The following FBN3 variants were observed in gnomAD, a reference collection of about 807,000 sequenced individuals.
FBN3 encodes fibrillin-3.
FBN3 carries 234 observed loss-of-function variants against 330.1 expected under a neutral mutation model. That is an observed-to-expected ratio of 0.71 (90% CI 0.64 to 0.79). FBN3 has a LOEUF of 0.79. Ranked by LOEUF, FBN3 falls within the 30% of genes least tolerant of loss-of-function variation. The probability of loss-of-function intolerance (pLI) is 0.00; values close to 1 mark genes in which losing one functional copy is unlikely to be tolerated. For synonymous variants in FBN3, 1,458 were observed against 1,517.3 expected (o/e 0.96, Z 0.91); for missense variants, 3,606 against 3,886.9 (o/e 0.93, Z 1.92).
chr19:8,098,120 G>C (rs915799560), intron 41 of FBN3, among the ~76,000 whole-genome samples: 3 of 152,218 alleles, frequency 2.0e-5, no homozygotes, highest in African/African-American at 7.2e-5. Flanking sequence ...ACTTTAAATG[G>C]GTGAAGTGTG....
intron 18 of FBN3, among the ~76,000 whole-genome samples, chr19:8,127,949 C>A (rs952621178): frequency 1.3e-5 from 2 of 151,948 alleles, no homozygotes; most frequent in Non-Finnish European, 2.9e-5. Flanking sequence ...TGCAGTGAGC[C>A]GAGATCGCCC....
intron 48 of FBN3, among the ~76,000 whole-genome samples, chr19:8,090,530 C>T (rs2082074552): frequency 6.8e-6 from 1 of 148,066 alleles, no homozygotes; most frequent in Admixed American, 6.8e-5. Flanking sequence ...GTTGACCAGG[C>T]TGGAGTGCAG....
chr19:8,123,744 C>T, intron 23 of FBN3, 40 bp downstream of exon 23: 1 of 1,603,476 alleles, frequency 6.2e-7, no homozygotes. Context: ...CCGTGCCCCT[C>T]CCCATCCTTC....
chr19:8,096,359 G>A lies in FBN3; in HGVS notation c.5539+85C>T. The A allele has an allele frequency of 6.7e-7, 1 of 1,494,008 alleles. No homozygotes were observed. Among genetic ancestry groups the A allele is most frequent in the East Asian group, 2.3e-5 (1 of 42,644 alleles). The allele number at this position is 1,494,008 out of a possible 1,614,324, so 92.5% of individuals were successfully genotyped here. ...CTTGGATCTCTTTGTGAACTAGGAT[G>A]GACAGAAACACCACTTCCATCCCAG... On this transcript the variant is annotated intron_variant, in intron 44 of 63. Transcript: ENST00000600128. The surrounding 1 kb of genome is among the most constrained non-coding windows in gnomAD (Gnocchi z 4.6).
chr19:8,073,486 T>C (rs2081570718), intron 61 of FBN3, among the ~76,000 whole-genome samples, 189 bp from the exon 62 acceptor site: 1 of 152,154 alleles, frequency 6.6e-6, no homozygotes, highest in Non-Finnish European at 1.5e-5. Context: ...AACCCTGTGG[T>C]TCTCCTTCAC....
At position 8,129,071 on chromosome 19, in the gene FBN3, GC is replaced by G; in HGVS notation, c.2252del (p.Cys751SerfsTer26). The G allele has an allele frequency of 6.2e-7, 1 of 1,613,578 alleles. No individual in the cohort carries two copies. The highest frequency in any genetic ancestry group is 8.5e-7 in the Non-Finnish European group (1 of 1,179,976). On this transcript the variant is annotated frameshift_variant, in exon 18 of 64. Coordinates refer to ENST00000600128, the MANE Select transcript of FBN3 (RefSeq NM_032447.5). LOFTEE classifies it high-confidence loss of function. The surrounding 1 kb of genome is among the most constrained non-coding windows in gnomAD (Gnocchi z 4.5). ...QNSPGSYSCS[C>X]PPGFHFWQDT... is the part of the protein sequence containing the mutation. The stretch of plus-strand genomic sequence containing the variant: ...CCTGCCAGAAGTGGAAGCCGGGGGG[GC>G]AGGAGCAGCTGTAGCTGCCAGGGCT...
rs1027566429 is a variant in FBN3 at position 8,100,934 on chromosome 19, A to G, written c.5128T>C (p.Phe1710Leu). ...TTCCCCGTGTGGATGTCAGTGAGGAATCCCGGGGCCTGATTTCCACACAGG... is the reference window on the plus strand; with the variant it reads ...TTCCCCGTGTGGATGTCAGTGAGGAGTCCCGGGGCCTGATTTCCACACAGG... ...QILCGNQAPGFLTDIHTGKPL... is the reference protein window; with the variant it reads ...QILCGNQAPGLLTDIHTGKPL... Residue 1710 changes from phenylalanine to leucine, a missense_variant, in exon 41 of 64, where the codon TTC (phenylalanine) becomes CTC (leucine). Transcript: ENST00000600128. 5.0e-6 allele frequency: 8 copies of G among 1,612,536 alleles called. No individual in the cohort carries two copies. The highest frequency in any genetic ancestry group is 5.9e-6 in the Non-Finnish European group (7 of 1,179,000).
At position 8,149,277 on chromosome 19, in the gene FBN3, C is replaced by G. The variant is rs1213438970; in HGVS notation, c.-18+172G>C. Reference sequence around the variant, plus strand: ...CGGGTCCCCGCGCCCCCACTCCCCACTGCGGCGGGCGCCACTAGAAGGCGG... The same window carrying G: ...CGGGTCCCCGCGCCCCCACTCCCCAGTGCGGCGGGCGCCACTAGAAGGCGG... On this transcript the variant is annotated intron_variant, in intron 1 of 63. Coordinates refer to ENST00000600128, the MANE Select transcript of FBN3 (RefSeq NM_032447.5). This position sits in a 1 kb window ranked among gnomAD's most constrained non-coding sequence, Gnocchi z 5.5. Among the ~76,000 whole-genome samples, 2 of 151,634 alleles carry G rather than the reference C, an allele frequency of 1.3e-5. No individual in the cohort carries two copies. The highest frequency in any genetic ancestry group is 3.9e-4 in the East Asian group (2 of 5,148).
chr19:8,097,242 A>T lies in FBN3; in HGVS notation c.5287+47T>A, dbSNP rs749600201. 2.9e-5 allele frequency: 46 copies of T among 1,579,202 alleles called. No homozygotes were observed. The South Asian group carries it at 4.7e-4, about 16-fold the overall frequency. On this transcript the variant is annotated intron_variant, in intron 42 of 63. Transcript: ENST00000600128. ...TCGCCCAGATTGCACAGTGGCGGAC[A>T]TGCATCCCACCCAGGCCCCAGGGCT...
chr19:8,072,096 G>T lies in FBN3; in HGVS notation c.8040C>A (p.Gly2680=). ...SEACYECKIN[G]LSPRDRPRRS... The stretch of plus-strand genomic sequence containing the variant: ...GTCGTGGCCGGTCCCGAGGGGAGAG[G>T]CCATTGATCTTGCATTCGTAGCAGG... Residue 2680 remains glycine (G), a synonymous_variant, in exon 63 of 64, where the codon GGC becomes GGA. Transcript: ENST00000600128. 1 of 1,612,484 alleles carries T rather than the reference G, an allele frequency of 6.2e-7. No individual in the cohort carries two copies. The highest frequency in any genetic ancestry group is 2.2e-5 in the East Asian group (1 of 44,778).
At chr19:8,086,451 T>G (rs577965967) in intron 54 of FBN3, 126 bp from the exon 55 acceptor site, 11 of 277,968 alleles carry the variant, frequency 4.0e-5, no homozygotes. Flanking sequence ...TTTATTTTTA[T>G]TATTATTATT....
At chr19:8,076,655 A>G (rs573754644) in intron 59 of FBN3, among the ~76,000 whole-genome samples, 4 of 152,262 alleles carry the variant, frequency 2.6e-5, no homozygotes, top group South Asian at 2.1e-4. Flanking sequence ...AAATATATGT[A>G]TACATACACA....
chr19:8,135,935 T>TTGGGGGGGGGGGGGGGCCG, intron 13 of FBN3, 26 bp downstream of exon 13: 1 of 1,344,156 alleles, frequency 7.4e-7, no homozygotes, highest in Non-Finnish European at 1.0e-6. Context: ...CGGAAGCCCC[T>TTGGGGGGGGGGGGGGGCCG]GCCCACCCGC....
At chr19:8,138,616 C>A (rs779219483) in intron 8 of FBN3, 52 bp from the exon 9 acceptor site, 25 of 1,520,308 alleles carry the variant, frequency 1.6e-5, no homozygotes, top group Non-Finnish European at 2.1e-5. Flanking sequence ...AGTGACCAGA[C>A]CTGGATCCAA....
At chr19:8,113,185 G>A (rs2082629199) in intron 30 of FBN3, among the ~76,000 whole-genome samples, 1 of 152,162 alleles carries the variant, frequency 6.6e-6, no homozygotes, top group South Asian at 2.1e-4. Context: ...CAACTACTTG[G>A]GAGGCCAAGG....
chr19:8,147,490 C>G lies in FBN3; in HGVS notation c.-10G>C. 6.8e-7 allele frequency: 1 copy of G among 1,460,666 alleles called. No homozygotes were observed. The highest frequency in any genetic ancestry group is 1.5e-5 in the South Asian group (1 of 68,400). 90.5% of individuals were successfully genotyped at this position (1,460,666 alleles called of 1,614,324 possible). A position where few individuals can be genotyped will look rare whatever the true frequency, so the allele number is the denominator to read the frequency against. ...GACCCTCCAGAGTCATGGCGTGTCCCCTGGAGGCTGCGGAGAGGAAGCAGA... is the reference window on the plus strand; with the variant it reads ...GACCCTCCAGAGTCATGGCGTGTCCGCTGGAGGCTGCGGAGAGGAAGCAGA... On this transcript the variant is annotated 5_prime_UTR_variant, in exon 2 of 64. Transcript: ENST00000600128.
In FBN3 at chr19:8,072,152, G is replaced by T; in HGVS notation, c.7984C>A (p.Pro2662Thr). The T allele has an allele frequency of 6.3e-7, 1 of 1,597,708 alleles. No individual in the cohort carries two copies. The highest frequency in any genetic ancestry group is 8.5e-7 in the Non-Finnish European group (1 of 1,172,348). ...GACGAGAGCAGCTCCTCTTTGTCCG[G>T]GGTGTCCTGGGGTCCGGGGCTGAAG... ...LGFSPGPQDT[P>T]DKEELLSSEA... is the part of the protein sequence containing the mutation. Residue 2662 changes from proline (P) to threonine (T), a missense_variant, in exon 63 of 64, where the codon CCG becomes ACG. Physicochemically the swap from Pro to Thr is conservative, Grantham distance 38 (BLOSUM62 -1). Transcript: ENST00000600128.
At chr19:8,090,001 T>C in intron 49 of FBN3, 42 bp from the exon 50 acceptor site, 1 of 1,601,840 alleles carries the variant, frequency 6.2e-7, no homozygotes, top group Non-Finnish European at 8.5e-7. Flanking sequence ...AGGGCCTAGG[T>C]GCAGCCCCCA....
chr19:8,135,945 C>CCCCCCCCCCCCCCCCCCCCCA lies in FBN3; in HGVS notation c.1591+15_1591+16insTGGGGGGGGGGGGGGGGGGGG. 1 of 488,810 alleles carries CCCCCCCCCCCCCCCCCCCCCA rather than the reference C, an allele frequency of 2.0e-6. No homozygotes were observed. Among genetic ancestry groups the CCCCCCCCCCCCCCCCCCCCCA allele is most frequent in the Non-Finnish European group, 4.0e-6 (1 of 249,004 alleles). The allele number at this position is 488,810 out of a possible 1,614,324, so 30.3% of individuals were successfully genotyped here. A position where few individuals can be genotyped will look rare whatever the true frequency, so the allele number is the denominator to read the frequency against. On this transcript the variant is annotated intron_variant, in intron 13 of 63. Transcript: ENST00000600128. ...GGGCCCGGAAGCCCCTGCCCACCCG[C>CCCCCCCCCCCCCCCCCCCCCA]CCACCCCCAACTCACCCACACAGTT...
Sources: gnomAD v4.1 joint callset for allele counts (sites outside exome capture counted in the v4.1 genomes callset) on GRCh38, gnomAD v4.1.1 for gene constraint, Gnocchi (gnomAD v3.1) non-coding constraint, MANE v1.5 for transcripts, NCBI Gene and HGNC (gene_info 2026-07-23, HGNC 2026-07-21) for gene names.